Variants in AKT2 observed in about 807,000 individuals in gnomAD.
AKT2 encodes the protein AKT serine/threonine kinase 2, also known as RAC-beta serine/threonine-protein kinase.
A neutral mutation model predicts 58.6 loss-of-function variants in AKT2; 16 were observed. The ratio of observed to expected loss-of-function variants is 0.27; its 90% CI spans 0.18 to 0.41. AKT2 has a LOEUF of 0.41. Among genes scored for constraint, AKT2 ranks in the 10% least tolerant of loss-of-function variants. The pLI is 1.00. For missense variants in AKT2, 438 were observed against 661.0 expected (o/e 0.66, Z 3.70); for synonymous variants, 253 against 254.0 (o/e 1.00, Z 0.04).
chr19:40,269,638 C>T (rs1432587127), intron 1 of AKT2: 2 of 152,140 alleles, frequency 1.3e-5, no homozygotes, highest in Non-Finnish European at 2.9e-5. Flanking sequence ...ACTTGTACTA[C>T]AATGTTGACA....
chr19:40,240,813 G>A (rs1038427238), intron 6 of AKT2: 2 of 173,912 alleles, frequency 1.2e-5, no homozygotes, highest in Admixed American at 1.1e-4. Context: ...TTAGCTGGGG[G>A]TCTGGCTCTG....
chr19:40,255,703 G>A (rs934720408), intron 3 of AKT2, among the ~76,000 whole-genome samples: 1 of 152,154 alleles, frequency 6.6e-6, no homozygotes, highest in African/African-American at 2.4e-5. Flanking sequence ...CTGCTCCAAG[G>A]GTGAGGAGGG....
At chr19:40,239,418 T>G in intron 7 of AKT2, 1 of 258,482 alleles carries the variant, frequency 3.9e-6, no homozygotes, top group Non-Finnish European at 7.6e-6. Context: ...CTACAGAGAG[T>G]TCCTCAGAGA....
chr19:40,262,911 C>T (rs1232897952), intron 2 of AKT2, among the ~76,000 whole-genome samples: 1 of 152,202 alleles, frequency 6.6e-6, no homozygotes, highest in African/African-American at 2.4e-5. Flanking sequence ...GTCAGCAGGG[C>T]CCACCTCACC....
rs903253121 is a variant in AKT2, at chr19:40,232,873, AG to A, written c.*998del. ...GGGGCCCTGGGGAGAGGGAGGGGTGAGGGGGGCCTAGGAGCCTCCCTTTTCA... is the reference window on the plus strand; with the variant it reads ...GGGGCCCTGGGGAGAGGGAGGGGTGAGGGGGCCTAGGAGCCTCCCTTTTCA... On this transcript the variant is annotated 3_prime_UTR_variant, in exon 14 of 14. Transcript: ENST00000392038. 1.3e-4 allele frequency: 31 copies of A among 236,130 alleles called. No homozygotes were observed. The highest frequency in any genetic ancestry group is 3.4e-4 in the South Asian group (2 of 5,956). 14.6% of individuals were successfully genotyped at this position (236,130 alleles called of 1,614,324 possible).
intron 9 of AKT2, 116 bp from the exon 10 acceptor site, chr19:40,236,501 G>C (rs1974036452): frequency 2.2e-6 from 3 of 1,388,838 alleles, no homozygotes; most frequent in South Asian, 1.2e-5. Context: ...CCCATGCCAG[G>C]CTGGGCCCAG....
At chr19:40,247,243 T>C (rs1251197740) in intron 4 of AKT2, among the ~76,000 whole-genome samples, 2 of 152,164 alleles carry the variant, frequency 1.3e-5, no homozygotes, top group African/African-American at 4.8e-5. Context: ...GGGCCTCAAG[T>C]ATCTTCTAGC....
Position 40,242,381 on chromosome 19 carries a change from G to GCACCTGC in AKT2, c.441+146_441+152dup, listed in dbSNP as rs768259951. 471 of 1,234,716 alleles carry GCACCTGC rather than the reference G, an allele frequency of 3.8e-4. No individual in the cohort carries two copies. Among genetic ancestry groups the GCACCTGC allele is most frequent in the Middle Eastern group, 1.3e-3 (5 of 3,864 alleles). 76.5% of individuals were successfully genotyped at this position (1,234,716 alleles called of 1,614,324 possible). On this transcript the variant is annotated intron_variant, in intron 5 of 13. Coordinates refer to ENST00000392038, the MANE Select transcript of AKT2 (RefSeq NM_001626.6). The surrounding 1 kb of genome is among the most constrained non-coding windows in gnomAD (Gnocchi z 4.3). ...CTACGGGCATGGAGCACACCCTAGG[G>GCACCTGC]CACCTGCCACCTGAAATCACCCCAC...
In AKT2 at chr19:40,235,218, G is replaced by A. The variant is rs1362204311; in HGVS notation, c.1263+45C>T. On this transcript the variant is annotated intron_variant, in intron 12 of 13. Transcript: ENST00000392038. This position sits in a 1 kb window ranked among gnomAD's most constrained non-coding sequence, Gnocchi z 6.3. The stretch of plus-strand genomic sequence containing the variant: ...GCCTCAACCAAGGTCACCACGAGTG[G>A]GCCAGGTCCCTGAGGGTCCTGCTGG... 1.2e-6 allele frequency: 2 copies of A among 1,612,864 alleles called. No individual in the cohort carries two copies. The highest frequency in any genetic ancestry group is 1.7e-6 in the Non-Finnish European group (2 of 1,178,920).
intron 4 of AKT2, among the ~76,000 whole-genome samples, chr19:40,251,065 A>T (rs1975122748): frequency 1.3e-5 from 2 of 152,032 alleles, no homozygotes; most frequent in Admixed American, 6.6e-5. Context: ...TTCGCCAGGC[A>T]TGGTGGTGCA....
At chr19:40,250,405 A>C (rs187348199) in intron 4 of AKT2, among the ~76,000 whole-genome samples, 414 of 152,224 alleles carry the variant, frequency 2.7e-3, no homozygotes, top group African/African-American at 9.8e-3. Context: ...CAGGAGGCTG[A>C]GGCGTGAGAA....
At chr19:40,265,574 T>G (rs753153711) in intron 1 of AKT2, 14 of 554,210 alleles carry the variant, frequency 2.5e-5, no homozygotes, top group Non-Finnish European at 4.0e-5. Context: ...CTCCCCGGCC[T>G]AAGCGCAGGC....
At position 40,283,522 on chromosome 19, in the gene AKT2, C is replaced by T. The variant is rs543997577; in HGVS notation, c.-85+1659G>A. On this transcript the variant is annotated intron_variant, in intron 1 of 13. Coordinates refer to ENST00000392038, the MANE Select transcript of AKT2 (RefSeq NM_001626.6). ...GTCACTGCTGCGGACTAGGGGCAACCATCTGCCCCCTCTGACCACATCACC... is the reference window on the plus strand; with the variant it reads ...GTCACTGCTGCGGACTAGGGGCAACTATCTGCCCCCTCTGACCACATCACC... 5.3e-5 allele frequency among the ~76,000 whole-genome samples: 8 copies of T among 152,354 alleles called. No homozygotes were observed. The South Asian group carries it at 1.7e-3, about 32-fold the overall frequency.
chr19:40,270,037 G>A (rs1976602424), intron 1 of AKT2, among the ~76,000 whole-genome samples: 1 of 152,308 alleles, frequency 6.6e-6, no homozygotes, highest in South Asian at 2.1e-4. Context: ...AGGATACATG[G>A]GGACGCCCCA....
chr19:40,278,214 G>A (rs1003756767), intron 1 of AKT2, among the ~76,000 whole-genome samples: 3 of 152,214 alleles, frequency 2.0e-5, no homozygotes, highest in Non-Finnish European at 2.9e-5. Flanking sequence ...TCTTCAAAAG[G>A]CAGCTTCGCC....
intron 6 of AKT2, chr19:40,240,351 C>A: frequency 1.4e-6 from 1 of 701,234 alleles, no homozygotes; most frequent in South Asian, 1.5e-5. Flanking sequence ...ATGTAAGGAC[C>A]AGGCTGCTAG....
At chr19:40,236,961 T>C in intron 9 of AKT2, 1 of 180,168 alleles carries the variant, frequency 5.6e-6, no homozygotes, top group Non-Finnish European at 1.2e-5. Context: ...TGGAAGGCCC[T>C]GTGTGCCCCT....
chr19:40,236,591 C>G (rs1046355100), intron 9 of AKT2: 9 of 646,726 alleles, frequency 1.4e-5, no homozygotes, highest in Non-Finnish European at 2.4e-5. Flanking sequence ...CCCATGGTAC[C>G]TGGGAACAGC....
chr19:40,245,768 C>G (rs748116612), intron 4 of AKT2, among the ~76,000 whole-genome samples: 1 of 152,152 alleles, frequency 6.6e-6, no homozygotes, highest in Non-Finnish European at 1.5e-5. Flanking sequence ...GTCCACCCCA[C>G]GGAGGCAGAG....
Sources: allele counts gnomAD v4.1 joint callset (sites outside exome capture counted in the v4.1 genomes callset), GRCh38; gene constraint gnomAD v4.1.1; non-coding constraint Gnocchi (gnomAD v3.1); transcripts MANE v1.5; gene names NCBI Gene and HGNC (gene_info 2026-07-23, HGNC 2026-07-21).